Variants in TWF2 observed in about 807,000 individuals in gnomAD.
TWF2 encodes the protein twinfilin actin binding protein 2, also known as twinfilin-2.
A neutral mutation model predicts 45.1 loss-of-function variants in TWF2; 15 were observed. That is an observed-to-expected ratio of 0.33 (90% confidence interval 0.22 to 0.51). The LOEUF (loss-of-function observed/expected upper bound fraction) is 0.51. Ranked by LOEUF, TWF2 falls within the 20% of genes least tolerant of loss-of-function variation. The pLI is 0.97. For synonymous variants in TWF2, 177 were observed against 195.8 expected, an observed-to-expected ratio of 0.90 and a Z score of 0.80; for missense variants, 423 against 469.1, an observed-to-expected ratio of 0.90 and a Z score of 0.91.
At chr3:52,232,176 C>A in intron 2 of TWF2, 54 bp from the exon 3 acceptor site, 1 of 1,464,226 alleles carries the variant, frequency 6.8e-7, no homozygotes, top group Non-Finnish European at 9.0e-7. Flanking sequence ...GCGCCTCCCG[C>A]TGCAGACCTC....
In TWF2 at chr3:52,228,680, C is replaced by T; in HGVS notation, c.*354G>A. ...CCATCCCAAACTGCAGTGACCCCTG[C>T]CCCAGCCCTGACTGACCCCACTTCT... On this transcript the variant is annotated 3_prime_UTR_variant, in exon 9 of 9. Coordinates refer to ENST00000305533, the MANE Select transcript of TWF2 (RefSeq NM_007284.4). The T allele has an allele frequency of 3.4e-6, 1 of 295,382 alleles. No individual in the cohort carries two copies. The highest frequency in any genetic ancestry group is 6.4e-6 in the Non-Finnish European group (1 of 157,228). 18.3% of individuals were successfully genotyped at this position (295,382 alleles called of 1,614,324 possible). A position where few individuals can be genotyped will look rare whatever the true frequency, so the allele number is the denominator to read the frequency against.
In TWF2 at chr3:52,236,774, G is replaced by A. The variant is rs561084417; in HGVS notation, c.26-1668C>T. ...CAACTGAGCTCAGCAGACCCTTAGG[G>A]CTCAGAGAAACATGGCATGGAACTG... On this transcript the variant is annotated intron_variant, in intron 1 of 8. Transcript: ENST00000305533. Among the ~76,000 whole-genome samples, 211 of 152,202 alleles carry A rather than the reference G, an allele frequency of 1.4e-3. 1 individual carries two copies. Among genetic ancestry groups the A allele is most frequent in the Middle Eastern group, 3.4e-3 (1 of 294 alleles).
chr3:52,230,159 G>A lies in TWF2; in HGVS notation c.610-89C>T, dbSNP rs1221739074. 8.3e-6 allele frequency: 12 copies of A among 1,440,258 alleles called. No homozygotes were observed. In the South Asian group the frequency reaches 1.1e-4, roughly 14 times the overall value. 89.2% of individuals were successfully genotyped at this position (1,440,258 alleles called of 1,614,324 possible). ...AGGAAGCCCTCAAACAGGATTAGCT[G>A]GTGGGCAGGAGCCTGATGTGACCTC... On this transcript the variant is annotated intron_variant, in intron 6 of 8. Coordinates refer to ENST00000305533, the MANE Select transcript of TWF2 (RefSeq NM_007284.4).
In TWF2 at chr3:52,230,048, G is replaced by A. The variant is rs1699664509; in HGVS notation, c.632C>T (p.Thr211Ile). Residue 211 changes from threonine (T) to isoleucine (I), a missense_variant, in exon 7 of 9, where the codon ACC (threonine) becomes ATC (isoleucine). Transcript: ENST00000305533. Reference protein sequence around the residue: ...IQMKLDLERETIELVHTEPTD... With the variant: ...IQMKLDLEREIIELVHTEPTD... Reference sequence around the variant, plus strand: ...GGGCTCTGTGTGCACCAGCTCAATGGTTTCCCGCTCTAGGTCCAGCTTCTG... The same window carrying A: ...GGGCTCTGTGTGCACCAGCTCAATGATTTCCCGCTCTAGGTCCAGCTTCTG... 1 of 1,601,206 alleles carries A rather than the reference G, an allele frequency of 6.2e-7. No homozygotes were observed. Among genetic ancestry groups the A allele is most frequent in the East Asian group, 2.2e-5 (1 of 44,670 alleles).
At chr3:52,232,228 T>G in intron 2 of TWF2, 106 bp from the exon 3 acceptor site, 1 of 1,354,942 alleles carries the variant, frequency 7.4e-7, no homozygotes, top group Non-Finnish European at 9.7e-7. Context: ...AGCCGCCGGC[T>G]GCCCCTCACC....
At chr3:52,237,104 A>T (rs886547338) in intron 1 of TWF2, among the ~76,000 whole-genome samples, 2 of 152,100 alleles carry the variant, frequency 1.3e-5, no homozygotes, top group African/African-American at 4.8e-5. Flanking sequence ...ACCTGCCCAG[A>T]CCTTCCCAGA....
chr3:52,238,974 C>A lies in TWF2; in HGVS notation c.25+18G>T. 1 of 1,591,890 alleles carries A rather than the reference C, an allele frequency of 6.3e-7. No individual in the cohort carries two copies. The highest frequency in any genetic ancestry group is 8.5e-7 in the Non-Finnish European group (1 of 1,175,812). On this transcript the variant is annotated intron_variant, in intron 1 of 8. Transcript: ENST00000305533. ...AGCCCAGACCGAGGCCCCCTGCCCG[C>A]CCGCCATCCGCCCTCACCGTGGATG...
chr3:52,236,028 C>T (rs931374783), intron 1 of TWF2, among the ~76,000 whole-genome samples: 7 of 151,796 alleles, frequency 4.6e-5, no homozygotes, highest in African/African-American at 1.5e-4. Context: ...TGGTCAGGTG[C>T]GGTGGCTCTC....
At chr3:52,237,258 G>A (rs1307892587) in intron 1 of TWF2, among the ~76,000 whole-genome samples, 2 of 152,132 alleles carry the variant, frequency 1.3e-5, no homozygotes, top group Admixed American at 1.3e-4. Context: ...ATAATCCAGA[G>A]GCCAGGCCTG....
At position 52,228,955 on chromosome 3, in the gene TWF2, C is replaced by T; in HGVS notation, c.*79G>A. On this transcript the variant is annotated 3_prime_UTR_variant, in exon 9 of 9. Coordinates refer to ENST00000305533, the MANE Select transcript of TWF2 (RefSeq NM_007284.4). ...ACCTCCCAGAAACACTTTCCTGGAGCCCAGGAAGGAGGATGGTGGCAGGGA... is the reference window on the plus strand; with the variant it reads ...ACCTCCCAGAAACACTTTCCTGGAGTCCAGGAAGGAGGATGGTGGCAGGGA... The T allele has an allele frequency of 3.2e-6, 5 of 1,544,728 alleles. No individual in the cohort carries two copies. Among genetic ancestry groups the T allele is most frequent in the Non-Finnish European group, 4.4e-6 (5 of 1,143,266 alleles).
chr3:52,235,607 G>A (rs1401463938), intron 1 of TWF2, among the ~76,000 whole-genome samples: 1 of 152,228 alleles, frequency 6.6e-6, no homozygotes, highest in Non-Finnish European at 1.5e-5. Context: ...ACACGCATGT[G>A]TGACAGAGGA....
At position 52,239,145 on chromosome 3, in the gene TWF2, G is replaced by C; in HGVS notation, c.-129C>G. ...CGACCCTCGCGCAGCTTCCCGGGCG[G>C]TGCCGCAGGACCCGCCCCCAGCGGC... On this transcript the variant is annotated 5_prime_UTR_variant, in exon 1 of 9. Coordinates refer to ENST00000305533, the MANE Select transcript of TWF2 (RefSeq NM_007284.4). The C allele has an allele frequency of 1.6e-6, 2 of 1,263,598 alleles. No homozygotes were observed. The highest frequency in any genetic ancestry group is 2.0e-6 in the Non-Finnish European group (2 of 985,120). The allele number at this position is 1,263,598 out of a possible 1,614,324, so 78.3% of individuals were successfully genotyped here.
In TWF2 at chr3:52,237,148, C is replaced by T. The variant is rs139354186; in HGVS notation, c.25+1844G>A. On this transcript the variant is annotated intron_variant, in intron 1 of 8. Transcript: ENST00000305533. ...CAAGAAGCTCCCCTAAGGGACAGGC[C>T]GACGGGCCCCTTCTAGTGTTACCAG... Among the ~76,000 whole-genome samples, 591 of 152,262 alleles carry T rather than the reference C, an allele frequency of 3.9e-3. 5 individuals are homozygous for T. Among genetic ancestry groups the T allele is most frequent in the South Asian group, 0.023 (109 of 4,820 alleles).
At chr3:52,230,102 C>G (rs763590916) in intron 6 of TWF2, 32 bp from the exon 7 acceptor site, 27 of 1,541,018 alleles carry the variant, frequency 1.8e-5, no homozygotes, top group Non-Finnish European at 2.3e-5. Context: ...TGGGAGAGCA[C>G]CAGGTCGGGG....
chr3:52,237,826 A>G (rs1329086281), intron 1 of TWF2, among the ~76,000 whole-genome samples: 3 of 152,196 alleles, frequency 2.0e-5, no homozygotes, highest in African/African-American at 7.2e-5. Flanking sequence ...AGTGGCCACA[A>G]CCGCACCAGG....
Position 52,230,960 on chromosome 3 carries a change from C to T in TWF2, c.519G>A (p.Gln173=), listed in dbSNP as rs187719121. The T allele has an allele frequency of 1.9e-6, 3 of 1,603,768 alleles. No homozygotes were observed. The highest frequency in any genetic ancestry group is 1.7e-6 in the Non-Finnish European group (2 of 1,175,376). The change falls in exon 6 of 9, where the codon CAG becomes CAA. Residue 173 remains glutamine, a synonymous_variant. Coordinates refer to ENST00000305533, the MANE Select transcript of TWF2 (RefSeq NM_007284.4). ...KTEISVESKH[Q]TLQGLAFPLQ... The stretch of plus-strand genomic sequence containing the variant: ...GGGGGAAGGCGAGGCCCTGCAGGGT[C>T]TGGTGCTTGCTTTCCACACTGATCT...
chr3:52,238,094 G>T (rs1237067547), intron 1 of TWF2, among the ~76,000 whole-genome samples: 1 of 152,210 alleles, frequency 6.6e-6, no homozygotes, highest in African/African-American at 2.4e-5. Flanking sequence ...GGGAGGGGAG[G>T]GTGTGATGCG....
intron 8 of TWF2, among the ~76,000 whole-genome samples, 197 bp downstream of exon 8, chr3:52,229,464 C>T (rs1382211103): frequency 6.6e-6 from 1 of 152,214 alleles, no homozygotes; most frequent in African/African-American, 2.4e-5. Context: ...ACATGGTAGC[C>T]AGGACTTGGA....
intron 1 of TWF2, among the ~76,000 whole-genome samples, chr3:52,235,884 C>T (rs1699721249): frequency 2.0e-5 from 3 of 152,202 alleles, no homozygotes; most frequent in Admixed American, 2.0e-4. Flanking sequence ...AACCCTGAGA[C>T]CCCGAGGAGC....
Sources: gnomAD v4.1 joint callset for allele counts (sites outside exome capture counted in the v4.1 genomes callset) on GRCh38, gnomAD v4.1.1 for gene constraint, MANE v1.5 for transcripts, NCBI Gene and HGNC (gene_info 2026-07-23, HGNC 2026-07-21) for gene names.